The following TP73 variants were observed in gnomAD, a reference collection of about 807,000 sequenced individuals.
TP73 encodes the protein p53-like transcription factor.
A neutral mutation model predicts 62.5 loss-of-function variants in TP73; 25 were observed. The observed-to-expected ratio is 0.40, with a 90% CI of 0.29 to 0.56. The LOEUF (loss-of-function observed/expected upper bound fraction) is 0.56, where lower values mean the gene tolerates loss of function less well. TP73 is among the 20% of genes least tolerant of loss of function. The pLI, the probability that TP73 is intolerant of heterozygous loss-of-function variation, is 0.46. For missense variants in TP73, 754 were observed against 913.3 expected (o/e 0.83, Z 2.25); for synonymous variants, 423 against 377.5 (o/e 1.12, Z -1.40).
intron 4 of TP73, among the ~76,000 whole-genome samples, chr1:3,711,506 C>T (rs1313901847): frequency 6.6e-6 from 1 of 152,260 alleles, no homozygotes; most frequent in African/African-American, 2.4e-5. Context: ...CTGTGACACC[C>T]CGGCTCAGCC....
chr1:3,695,840 C>T (rs978227806), intron 3 of TP73, among the ~76,000 whole-genome samples: 17 of 152,274 alleles, frequency 1.1e-4, no homozygotes, highest in Middle Eastern at 3.4e-3. Flanking sequence ...CAGGCTGGGA[C>T]GATCCAGGGA....
rs1645046596 is a variant in TP73, at chr1:3,663,665, A to G, written c.-34+11024A>G. Among the ~76,000 whole-genome samples, 3 of 151,586 alleles carry G rather than the reference A, an allele frequency of 2.0e-5. No homozygotes were observed. The highest frequency in any genetic ancestry group is 7.3e-5 in the African/African-American group (3 of 41,216). The stretch of plus-strand genomic sequence containing the variant: ...AGGAAGGTGGAGCTTGCAGTGAGCC[A>G]AGATCGTGCAACAATGCGAGACTCC... On this transcript the variant is annotated intron_variant, in intron 1 of 13. Transcript: ENST00000378295. This position sits in a 1 kb window ranked among gnomAD's most constrained non-coding sequence, Gnocchi z 4.7.
intron 12 of TP73, 97 bp from the exon 13 acceptor site, chr1:3,731,366 A>T: frequency 8.0e-7 from 1 of 1,252,392 alleles, no homozygotes. Flanking sequence ...AGACAGCGGC[A>T]GTCTCCGCCC....
chr1:3,718,282 G>T (rs1352842075), intron 4 of TP73, among the ~76,000 whole-genome samples: 3 of 152,222 alleles, frequency 2.0e-5, no homozygotes, highest in African/African-American at 7.2e-5. Context: ...GCAGACGGGA[G>T]TCCCTCAGAC....
intron 3 of TP73, among the ~76,000 whole-genome samples, chr1:3,706,549 G>A (rs1421743567): frequency 1.3e-5 from 2 of 152,208 alleles, no homozygotes; most frequent in Middle Eastern, 3.4e-3. Context: ...GTTGAGCCTC[G>A]GGGGTCACAG....
At chr1:3,688,411 T>C (rs769154031) in intron 3 of TP73, among the ~76,000 whole-genome samples, 5 of 152,306 alleles carry the variant, frequency 3.3e-5, no homozygotes, top group Middle Eastern at 3.4e-3. Flanking sequence ...GAAGTCCCCC[T>C]GTCTGTTCTG....
intron 4 of TP73, among the ~76,000 whole-genome samples, chr1:3,711,089 C>T (rs1051018899): frequency 6.6e-6 from 1 of 152,244 alleles, no homozygotes; most frequent in Non-Finnish European, 1.5e-5. Context: ...TGCCCGTGAG[C>T]ACCTTCTGCT....
At chr1:3,721,912 G>A in intron 4 of TP73, 109 bp from the exon 5 acceptor site, 1 of 1,178,060 alleles carries the variant, frequency 8.5e-7, no homozygotes, top group East Asian at 2.5e-5. Flanking sequence ...TCATCTGGGG[G>A]TTGTGGAAGG....
At chr1:3,730,578 C>T (rs1642056459) in intron 11 of TP73, among the ~76,000 whole-genome samples, 1 of 152,162 alleles carries the variant, frequency 6.6e-6, no homozygotes, top group Admixed American at 6.5e-5. Flanking sequence ...CCTGGAAGGT[C>T]CTCATGTGGG....
At chr1:3,724,589 C>T (rs559195036) in intron 6 of TP73, among the ~76,000 whole-genome samples, 18 of 152,364 alleles carry the variant, frequency 1.2e-4, no homozygotes, top group African/African-American at 4.1e-4. Context: ...GCTCTATCGC[C>T]CCCTGGTGGC....
rs116990052 is a variant in TP73, at chr1:3,711,985, G to A, written c.429+4194G>A. ...CCAGGGAAGCACAAAGGCTCTGCAC[G>A]GGATTCCTGGGGAGAATGAGGCTGA... On this transcript the variant is annotated intron_variant, in intron 4 of 13. Coordinates refer to ENST00000378295, the MANE Select transcript of TP73 (RefSeq NM_005427.4). Among the ~76,000 whole-genome samples the A allele has an allele frequency of 3.7e-3, 564 of 152,270 alleles. 29 individuals are homozygous for A. In the East Asian group the frequency reaches 0.096, roughly 26 times the overall value.
intron 5 of TP73, among the ~76,000 whole-genome samples, chr1:3,722,951 T>C (rs778122705): frequency 2.1e-5 from 3 of 143,014 alleles, no homozygotes; most frequent in Non-Finnish European, 3.0e-5. Flanking sequence ...GCTGGACACC[T>C]CTCTGTGCCT....
intron 7 of TP73, 33 bp from the exon 8 acceptor site, chr1:3,727,595 G>C: frequency 6.3e-7 from 1 of 1,582,648 alleles, no homozygotes. Flanking sequence ...GGGCAGGGTT[G>C]AGCTCACAAT....
In TP73 at chr1:3,699,884, G is replaced by A. The variant is rs1391315355; in HGVS notation, c.187-7665G>A. 3.9e-5 allele frequency among the ~76,000 whole-genome samples: 6 copies of A among 152,126 alleles called. No individual in the cohort carries two copies. Among genetic ancestry groups the A allele is most frequent in the African/African-American group, 7.2e-5 (3 of 41,424 alleles). ...CTCTGACTCGGATCCTAAGTGATTA[G>A]GATCAGAGGAATCTCTGTTTCCAAG... On this transcript the variant is annotated intron_variant, in intron 3 of 13. Transcript: ENST00000378295. This position sits in a 1 kb window ranked among gnomAD's most constrained non-coding sequence, Gnocchi z 4.1.
chr1:3,671,494 G>A (rs979871110), intron 1 of TP73, among the ~76,000 whole-genome samples: 2 of 152,210 alleles, frequency 1.3e-5, no homozygotes, highest in African/African-American at 4.8e-5. Context: ...AGCCATCGTC[G>A]GGAGCCCCCT....
chr1:3,674,921 G>T (rs1436100989), intron 1 of TP73, among the ~76,000 whole-genome samples: 2 of 152,206 alleles, frequency 1.3e-5, no homozygotes, highest in Admixed American at 6.5e-5. Context: ...CCAGGCGGGG[G>T]CTCTTCTGGG....
chr1:3,725,958 ATGGATGGATGGGGTGGATGGG>A (rs1250254747), intron 6 of TP73, among the ~76,000 whole-genome samples: 1 of 93,536 alleles, frequency 1.1e-5, no homozygotes, highest in African/African-American at 4.3e-5. Context: ...GGGGGAGTGG[ATGGATGGATGGGGTGGATGGG>A]TGGATGGATG....
chr1:3,731,614 GA>G, intron 13 of TP73, 58 bp downstream of exon 13: 4 of 1,477,468 alleles, frequency 2.7e-6, no homozygotes, highest in Non-Finnish European at 3.8e-6. Flanking sequence ...CCCCTGTCCG[GA>G]GGGCAAAGAG....
rs1200709300 is a variant in TP73, at chr1:3,733,028, G to A, written c.1860G>A (p.Lys620=). 7.1e-6 allele frequency: 11 copies of A among 1,550,648 alleles called. No homozygotes were observed. In the Admixed American group the frequency reaches 1.7e-4, roughly 24 times the overall value. The change falls in exon 14 of 14, where the codon AAG becomes AAA. Residue 620 remains lysine, a synonymous_variant. Coordinates refer to ENST00000378295, the MANE Select transcript of TP73 (RefSeq NM_005427.4). ...TCGGCTTCGACCTGCCCGACTGCAA[G>A]GCCCGCAAGCAGCCCATCAAGGAGG... ...ADFGFDLPDC[K]ARKQPIKEEF... is the part of the protein sequence containing the mutation.
Sources: allele counts gnomAD v4.1 joint callset (sites outside exome capture counted in the v4.1 genomes callset), GRCh38; gene constraint gnomAD v4.1.1; non-coding constraint Gnocchi (gnomAD v3.1); transcripts MANE v1.5; gene names NCBI Gene and HGNC (gene_info 2026-07-23, HGNC 2026-07-21).